Variants in ADAM10 observed in about 807,000 individuals in gnomAD.
ADAM10 encodes disintegrin and metalloproteinase domain-containing protein 10.
Under a neutral mutation model 90.1 loss-of-function variants are expected in ADAM10, and 17 were observed. The observed-to-expected ratio is 0.19, with a 90% CI of 0.13 to 0.28. The LOEUF is 0.28. ADAM10 is among the 10% of genes least tolerant of loss of function. The pLI is 1.00. For missense variants in ADAM10, 610 were observed against 914.3 expected (o/e 0.67, Z 4.29); for synonymous variants, 310 against 298.6 (o/e 1.04, Z -0.40).
intron 5 of ADAM10, among the ~76,000 whole-genome samples, chr15:58,655,717 A>C (rs1458660990): frequency 1.8e-5 from 1 of 55,458 alleles, no homozygotes; most frequent in Non-Finnish European, 2.9e-5. Context: ...TATAGTATAT[A>C]TATATATATA....
At chr15:58,691,504 C>G (rs746988435) in intron 2 of ADAM10, 2 of 585,592 alleles carry the variant, frequency 3.4e-6, no homozygotes, top group Non-Finnish European at 6.7e-6. Context: ...GATGTCATCT[C>G]ATCTCCAGAC....
intron 2 of ADAM10, chr15:58,686,590 G>T: frequency 9.0e-7 from 1 of 1,108,460 alleles, no homozygotes; most frequent in Non-Finnish European, 1.4e-6. Context: ...ACCCCTTCTG[G>T]GAACCCAGAT....
At chr15:58,597,748 C>T (rs1595977889) in intron 15 of ADAM10, 107 bp from the exon 16 acceptor site, 1 of 1,175,952 alleles carries the variant, frequency 8.5e-7, no homozygotes, top group South Asian at 1.4e-5. Context: ...CAGTGCTGTC[C>T]AATAATATGG....
chr15:58,590,991 G>C lies in ADAM10; in HGVS notation c.*6556C>G, dbSNP rs535273351. 8 of 152,256 alleles carry C rather than the reference G, an allele frequency of 5.3e-5. No homozygotes were observed. In the South Asian group the frequency reaches 1.2e-3, roughly 24 times the overall value. 9.4% of individuals were successfully genotyped at this position (152,256 alleles called of 1,614,324 possible). A position where few individuals can be genotyped will look rare whatever the true frequency, so the allele number is the denominator to read the frequency against. Reference sequence around the variant, plus strand: ...GGAACATGATCATTTAAACAAGAGAGGGCAGAAGAATCTAGTTTATTGTAG... The same window carrying C: ...GGAACATGATCATTTAAACAAGAGACGGCAGAAGAATCTAGTTTATTGTAG... On this transcript the variant is annotated 3_prime_UTR_variant, in exon 16 of 16. Transcript: ENST00000260408.
chr15:58,740,941 G>A (rs994590782), intron 1 of ADAM10, among the ~76,000 whole-genome samples: 14 of 152,124 alleles, frequency 9.2e-5, no homozygotes, highest in Non-Finnish European at 1.3e-4. Flanking sequence ...GATTCCAAAT[G>A]AAAGCAGGTC....
chr15:58,621,985 T>C (rs12915898), intron 10 of ADAM10, among the ~76,000 whole-genome samples: 40,951 of 151,320 alleles, frequency 0.27, 6,018 homozygotes, highest in East Asian at 0.53. Flanking sequence ...AAAAAAAAAA[T>C]TAAGCCTTTT....
At chr15:58,600,550 G>A (rs1025309306) in intron 14 of ADAM10, among the ~76,000 whole-genome samples, 7 of 151,970 alleles carry the variant, frequency 4.6e-5, no homozygotes, top group Admixed American at 4.6e-4. Flanking sequence ...AATATGAAAA[G>A]TGGAAGAAGA....
At chr15:58,687,845 A>G (rs1159714258) in intron 2 of ADAM10, among the ~76,000 whole-genome samples, 1 of 152,240 alleles carries the variant, frequency 6.6e-6, no homozygotes, top group Non-Finnish European at 1.5e-5. Flanking sequence ...CAATCATGAA[A>G]TAATCTAATT....
chr15:58,729,766 C>T (rs1899162601), intron 1 of ADAM10, among the ~76,000 whole-genome samples: 1 of 152,076 alleles, frequency 6.6e-6, no homozygotes, highest in African/African-American at 2.4e-5. Flanking sequence ...GAGTTTGAGA[C>T]AGCCTGGCCA....
At chr15:58,614,470 C>T (rs1469071913) in intron 11 of ADAM10, among the ~76,000 whole-genome samples, 1 of 152,140 alleles carries the variant, frequency 6.6e-6, no homozygotes, top group Non-Finnish European at 1.5e-5. Flanking sequence ...ATCTATTAGA[C>T]TAGCAGCAGA....
chr15:58,735,657 A>C (rs1899408249), intron 1 of ADAM10, among the ~76,000 whole-genome samples: 2 of 152,126 alleles, frequency 1.3e-5, no homozygotes, highest in African/African-American at 4.8e-5. Flanking sequence ...CATGTTAAGT[A>C]CAGACTCAAT....
intron 2 of ADAM10, among the ~76,000 whole-genome samples, chr15:58,702,264 C>G (rs1286418981): frequency 6.6e-6 from 1 of 152,090 alleles, no homozygotes; most frequent in Non-Finnish European, 1.5e-5. Context: ...TGAAGGTAGA[C>G]AGCAGAATGA....
At chr15:58,632,245 A>C (rs1214306981) in intron 9 of ADAM10, among the ~76,000 whole-genome samples, 1 of 152,238 alleles carries the variant, frequency 6.6e-6, no homozygotes, top group Non-Finnish European at 1.5e-5. Context: ...GATAATATCA[A>C]AGATCGCTGT....
At position 58,679,143 on chromosome 15, in the gene ADAM10, A is replaced by T; in HGVS notation, c.465T>A (p.Ile155=). 1 of 1,613,944 alleles carries T rather than the reference A, an allele frequency of 6.2e-7. No individual in the cohort carries two copies. Among genetic ancestry groups the T allele is most frequent in the Non-Finnish European group, 8.5e-7 (1 of 1,179,940 alleles). ...ACTTACTAATATCATCTTCATGATA[A>T]ATGACAGAGTGAAATGGCAGAGTTC... ...KDRTLPFHSV[I]YHEDDINYPH... Residue 155 remains isoleucine (I), a synonymous_variant, in exon 4 of 16, where the codon ATT becomes ATA. Coordinates refer to ENST00000260408, the MANE Select transcript of ADAM10 (RefSeq NM_001110.4).
intron 13 of ADAM10, 53 bp downstream of exon 13, chr15:58,610,946 G>C (rs373175270): frequency 3.6e-6 from 5 of 1,371,272 alleles, no homozygotes; most frequent in Non-Finnish European, 5.2e-6. Context: ...AAATTTAGGA[G>C]AAAATAATAG....
In ADAM10 at chr15:58,593,029, GTAGT is replaced by G. The variant is rs1321100781; in HGVS notation, c.*4514_*4517del. 6.7e-6 allele frequency: 1 copy of G among 149,636 alleles called. No individual in the cohort carries two copies. Among genetic ancestry groups the G allele is most frequent in the Non-Finnish European group, 1.5e-5 (1 of 67,620 alleles). 9.3% of individuals were successfully genotyped at this position (149,636 alleles called of 1,614,324 possible). A position where few individuals can be genotyped will look rare whatever the true frequency, so the allele number is the denominator to read the frequency against. ...ACATACATCCACAGAAATATTTAGA[GTAGT>G]TAATGTGATATACATTATCAATGTA... is the stretch of plus-strand genomic sequence containing the variant. On this transcript the variant is annotated 3_prime_UTR_variant, in exon 16 of 16. Transcript: ENST00000260408.
intron 2 of ADAM10, among the ~76,000 whole-genome samples, chr15:58,698,732 G>C (rs1475054534): frequency 6.6e-6 from 1 of 151,940 alleles, no homozygotes; most frequent in Non-Finnish European, 1.5e-5. Context: ...TTTAAGACAG[G>C]TATTTTGAAA....
At chr15:58,748,678 T>TAC (rs1423073388) in intron 1 of ADAM10, 2 of 362,742 alleles carry the variant, frequency 5.5e-6, no homozygotes, top group Non-Finnish European at 9.8e-6. Context: ...ACCGAACTTC[T>TAC]ACTCTAAGAG....
chr15:58,745,452 T>C (rs956945558), intron 1 of ADAM10, among the ~76,000 whole-genome samples: 1 of 152,142 alleles, frequency 6.6e-6, no homozygotes, highest in Non-Finnish European at 1.5e-5. Context: ...GATAAAGAAA[T>C]GTGGAGAGAC....
Sources: gnomAD v4.1 joint callset for allele counts (sites outside exome capture counted in the v4.1 genomes callset) on GRCh38, gnomAD v4.1.1 for gene constraint, MANE v1.5 for transcripts, NCBI Gene and HGNC (gene_info 2026-07-23, HGNC 2026-07-21) for gene names.